VAV3: variants seen among roughly 807,000 people sequenced by gnomAD.
VAV3 encodes the protein vav guanine nucleotide exchange factor 3.
VAV3 carries 94 observed loss-of-function variants against 131.2 expected under a neutral mutation model. That is an observed-to-expected ratio of 0.72 (90% CI 0.61 to 0.85). The LOEUF (loss-of-function observed/expected upper bound fraction) is 0.85. VAV3 is among the 40% of genes least tolerant of loss of function. The pLI, the probability that VAV3 is intolerant of heterozygous loss-of-function variation, is 0.00. For missense variants in VAV3, 939 were observed against 1,002.7 expected, an observed-to-expected ratio of 0.94 and a Z score of 0.86; for synonymous variants, 349 against 342.0, an observed-to-expected ratio of 1.02 and a Z score of -0.22.
At chr1:107,582,668 T>C (rs1473388971) in intron 25 of VAV3, among the ~76,000 whole-genome samples, 4 of 150,654 alleles carry the variant, frequency 2.7e-5, no homozygotes, top group African/African-American at 7.3e-5. Flanking sequence ...TGGTGTTTGG[T>C]TTTTTGTTCT....
At chr1:107,797,383 C>T (rs1462348690) in intron 2 of VAV3, among the ~76,000 whole-genome samples, 1 of 152,078 alleles carries the variant, frequency 6.6e-6, no homozygotes, top group African/African-American at 2.4e-5. Flanking sequence ...TACTAGGTGT[C>T]AGGGATGAAA....
rs760363086 is a variant in VAV3, at chr1:107,705,015, T to C, written c.1549A>G (p.Lys517Glu). Residue 517 changes from lysine to glutamate, a missense_variant, in exon 16 of 27, where the codon AAG becomes GAG. Physicochemically the swap from Lys to Glu is moderately conservative, Grantham distance 56. Transcript: ENST00000370056. ...GTGACTCGAGTGAAGGTATGCATCTTGAAGTCGTGGAAATTGGAGTCTGCA... is the reference window on the plus strand; with the variant it reads ...GTGACTCGAGTGAAGGTATGCATCTCGAAGTCGTGGAAATTGGAGTCTGCA... ...DYADSNFHDF[K>E]MHTFTRVTSC... The C allele has an allele frequency of 7.4e-6, 12 of 1,613,886 alleles. No homozygotes were observed. The highest frequency in any genetic ancestry group is 1.0e-5 in the Non-Finnish European group (12 of 1,179,884).
chr1:107,635,702 G>A (rs2101443051), intron 20 of VAV3, among the ~76,000 whole-genome samples: 1 of 152,222 alleles, frequency 6.6e-6, no homozygotes, highest in Non-Finnish European at 1.5e-5. Context: ...CACAAAACTA[G>A]TTTCTTTAAT....
At chr1:107,668,575 A>G (rs1252795544) in intron 19 of VAV3, 9 of 931,946 alleles carry the variant, frequency 9.7e-6, no homozygotes, top group Middle Eastern at 1.1e-3. Flanking sequence ...TCATACAAAG[A>G]TGAATTTGCA....
At chr1:107,805,647 T>C (rs970645794) in intron 2 of VAV3, among the ~76,000 whole-genome samples, 1 of 152,200 alleles carries the variant, frequency 6.6e-6, no homozygotes, top group African/African-American at 2.4e-5. Flanking sequence ...TGCTGTTTCA[T>C]TAGGTTTGGT....
chr1:107,701,055 T>C (rs1301561178), intron 17 of VAV3, among the ~76,000 whole-genome samples: 4 of 112,476 alleles, frequency 3.6e-5, no homozygotes, highest in African/African-American at 1.1e-4. Flanking sequence ...TGATCAGTCA[T>C]GTTGAGCTTT....
chr1:107,783,298 G>C (rs1360313019), intron 2 of VAV3, among the ~76,000 whole-genome samples: 1 of 152,148 alleles, frequency 6.6e-6, no homozygotes, highest in Non-Finnish European at 1.5e-5. Context: ...CTGGGGTAGA[G>C]GACATAGGGA....
At chr1:107,964,175 G>A (rs1238234684) in intron 1 of VAV3, among the ~76,000 whole-genome samples, 1 of 152,184 alleles carries the variant, frequency 6.6e-6, no homozygotes, top group Non-Finnish European at 1.5e-5. Context: ...CTCCTGGACA[G>A]ATAACGGGAC....
intron 19 of VAV3, among the ~76,000 whole-genome samples, chr1:107,681,423 T>C (rs1658601087): frequency 1.3e-5 from 2 of 152,202 alleles, no homozygotes; most frequent in Non-Finnish European, 2.9e-5. Flanking sequence ...AGGGTTAACT[T>C]TGAACAAAGA....
chr1:107,642,558 C>A (rs539168851), intron 20 of VAV3, 61 bp downstream of exon 20: 4 of 1,579,068 alleles, frequency 2.5e-6, no homozygotes, highest in South Asian at 2.3e-5. Context: ...CCTTCTTGGG[C>A]AAGATTTAAG....
rs937631109 is a variant in VAV3, at chr1:107,849,733, T to C, written c.321+25168A>G. On this transcript the variant is annotated intron_variant, in intron 2 of 26. Transcript: ENST00000370056. ...GACAAAATTGACACATGGGATCTAATTAAAGATCTTCTACACAGCAAAAGA... is the reference window on the plus strand; with the variant it reads ...GACAAAATTGACACATGGGATCTAACTAAAGATCTTCTACACAGCAAAAGA... Among the ~76,000 whole-genome samples the C allele has an allele frequency of 3.0e-4, 45 of 151,882 alleles. 1 individual carries two copies. Among genetic ancestry groups the C allele is most frequent in the Admixed American group, 7.2e-4 (11 of 15,262 alleles).
At chr1:107,939,640 C>T (rs1673891045) in intron 1 of VAV3, among the ~76,000 whole-genome samples, 2 of 152,140 alleles carry the variant, frequency 1.3e-5, no homozygotes, top group South Asian at 2.1e-4. Flanking sequence ...TTTCTCAGGA[C>T]ATAACCCCAT....
chr1:107,899,297 G>A (rs1266636715), intron 1 of VAV3, among the ~76,000 whole-genome samples: 1 of 152,162 alleles, frequency 6.6e-6, no homozygotes, highest in Non-Finnish European at 1.5e-5. Flanking sequence ...AAAAATGTCT[G>A]GGCTGAGCCA....
rs11185198 is a variant in VAV3, at chr1:107,885,965, C to T, written c.205-10948G>A. Among the ~76,000 whole-genome samples the T allele has an allele frequency of 4.1e-3, 628 of 152,180 alleles. 5 individuals are homozygous for T. The highest frequency in any genetic ancestry group is 0.014 in the African/African-American group (588 of 41,498). On this transcript the variant is annotated intron_variant, in intron 1 of 26. Coordinates refer to ENST00000370056, the MANE Select transcript of VAV3 (RefSeq NM_006113.5). ...TCAATCCCACTAGGTTTAGTTCCAA[C>T]GAAGGGAGATTCATATCTCCAAGGA...
At chr1:107,782,382 T>A (rs909362984) in intron 2 of VAV3, among the ~76,000 whole-genome samples, 1 of 152,190 alleles carries the variant, frequency 6.6e-6, no homozygotes, top group African/African-American at 2.4e-5. Context: ...ATTTTTTTCA[T>A]GAGTGTCCAC....
intron 15 of VAV3, among the ~76,000 whole-genome samples, chr1:107,740,642 C>G (rs1289239999): frequency 6.6e-6 from 1 of 152,090 alleles, no homozygotes; most frequent in Non-Finnish European, 1.5e-5. Context: ...CAAAAGGCCA[C>G]AGCGTGGTTT....
At chr1:107,827,448 C>A (rs1310679185) in intron 2 of VAV3, among the ~76,000 whole-genome samples, 1 of 152,104 alleles carries the variant, frequency 6.6e-6, no homozygotes, top group Non-Finnish European at 1.5e-5. Context: ...GGATATAGTT[C>A]ATTTAGATGG....
At chr1:107,760,056 T>C (rs752171672) in intron 10 of VAV3, among the ~76,000 whole-genome samples, 8 of 152,186 alleles carry the variant, frequency 5.3e-5, no homozygotes, top group Non-Finnish European at 1.2e-4. Flanking sequence ...ATTTTGCAGC[T>C]ACAGTTCAAG....
rs557626692 is a variant in VAV3, at chr1:107,808,275, A to T, written c.322-28783T>A. Among the ~76,000 whole-genome samples, 9 of 152,286 alleles carry T rather than the reference A, an allele frequency of 5.9e-5. No individual in the cohort carries two copies. In the South Asian group the frequency reaches 1.9e-3, roughly 32 times the overall value. On this transcript the variant is annotated intron_variant, in intron 2 of 26. Transcript: ENST00000370056. ...GCTATTATTGAACACAGAAATGACA[A>T]ATATGAATGAAGTGAACATGACAGG...
Sources: allele counts gnomAD v4.1 joint callset (sites outside exome capture counted in the v4.1 genomes callset), GRCh38; gene constraint gnomAD v4.1.1; transcripts MANE v1.5; gene names NCBI Gene and HGNC (gene_info 2026-07-23, HGNC 2026-07-21).